The following ZNF600 variants were observed in gnomAD, a reference collection of about 807,000 sequenced individuals.
ZNF600 encodes zinc finger protein KR-ZNF1.
A neutral mutation model predicts 7.3 loss-of-function variants in ZNF600; 4 were observed. That is an observed-to-expected ratio of 0.55 (90% CI 0.27 to 1.25). The LOEUF (loss-of-function observed/expected upper bound fraction) is 1.25. Among genes scored for constraint, ZNF600 ranks in the 50% most tolerant of loss-of-function variants. The pLI is 0.12. For missense variants in ZNF600, 911 were observed against 922.1 expected (o/e 0.99, Z 0.16); for synonymous variants, 290 against 308.9 (o/e 0.94, Z 0.64).
rs772931731 is a variant in ZNF600, at chr19:52,767,340, T to C, written c.623A>G (p.Tyr208Cys). 2.5e-6 allele frequency: 4 copies of C among 1,613,998 alleles called. No homozygotes were observed. The East Asian group carries it at 8.9e-5, about 36-fold the overall frequency. ...TGAAGAATTCGGGGAATTATTCCCA[T>C]AGTTATTAGAAATATGGATTTGGGG... The change falls in exon 4 of 4, where the codon TAT becomes TGT. Residue 208 changes from tyrosine (Y) to cysteine (C), a missense_variant. Coordinates refer to ENST00000648973, the Ensembl canonical transcript of ZNF600.
At chr19:52,794,687 C>T in the ZNF600 span, among the ~76,000 whole-genome samples, 2 of 152,176 alleles carry the variant, frequency 1.3e-5, no homozygotes, top group South Asian at 4.2e-4. Flanking sequence ...AACCGCGTCT[C>T]TACCAAAAGT....
At chr19:52,811,675 G>T in the ZNF600 span, among the ~76,000 whole-genome samples, 2 of 148,610 alleles carry the variant, frequency 1.3e-5, no homozygotes, top group Admixed American at 1.3e-4. Flanking sequence ...CGTCTGAGAA[G>T]TGAGGAGCCC....
the ZNF600 span, among the ~76,000 whole-genome samples, chr19:52,811,720 G>C: frequency 3.3e-5 from 5 of 149,934 alleles, no homozygotes; most frequent in African/African-American, 1.3e-4. Context: ...GGGAAGTGAG[G>C]AGCGTCTCCG....
the ZNF600 span, chr19:52,805,193 C>G: frequency 6.6e-6 from 1 of 152,004 alleles, no homozygotes; most frequent in African/African-American, 2.4e-5. Flanking sequence ...TTGCTTGAAC[C>G]TGGGAAGTGG....
chr19:52,830,145 T>C, the ZNF600 span, among the ~76,000 whole-genome samples: 3 of 152,032 alleles, frequency 2.0e-5, no homozygotes, highest in Non-Finnish European at 4.4e-5. Context: ...TGTTGGTGCA[T>C]GCCTGTAATC....
At chr19:52,779,220 A>C (rs1238070913) in intron 1 of ZNF600, among the ~76,000 whole-genome samples, 1 of 152,076 alleles carries the variant, frequency 6.6e-6, no homozygotes, top group Non-Finnish European at 1.5e-5. Context: ...ACAGCCCCTC[A>C]CCTCTCTGTG....
chr19:52,830,649 T>A, the ZNF600 span, among the ~76,000 whole-genome samples: 57 of 151,860 alleles, frequency 3.8e-4, no homozygotes, highest in East Asian at 4.9e-3. Flanking sequence ...AGCAGCCTCC[T>A]ATAATTTTGT....
the ZNF600 span, chr19:52,798,983 T>C: frequency 2.7e-6 from 3 of 1,097,892 alleles, no homozygotes; most frequent in African/African-American, 1.6e-5. Context: ...CAGGTGTGAA[T>C]CACTCCCAAA....
intron 3 of ZNF600, among the ~76,000 whole-genome samples, chr19:52,770,826 ATTTT>A (rs2062624608): frequency 6.6e-6 from 1 of 151,830 alleles, no homozygotes; most frequent in African/African-American, 2.4e-5. Context: ...TTTTAATTGT[ATTTT>A]TTCTTTCTTT....
At chr19:52,776,624 C>A (rs963464543) in intron 2 of ZNF600, among the ~76,000 whole-genome samples, 19 of 152,070 alleles carry the variant, frequency 1.2e-4, no homozygotes, top group African/African-American at 4.3e-4. Flanking sequence ...CTTAGCCAGG[C>A]TGGTCTCGAA....
chr19:52,821,735 A>T, the ZNF600 span: 1 of 152,082 alleles, frequency 6.6e-6, no homozygotes, highest in African/African-American at 2.4e-5. Flanking sequence ...AAGCGGCGAG[A>T]CCTTGCCCTT....
chr19:52,825,690 C>CA, the ZNF600 span, among the ~76,000 whole-genome samples: 12 of 151,936 alleles, frequency 7.9e-5, no homozygotes, highest in South Asian at 2.3e-3. Flanking sequence ...AAAACAACAA[C>CA]AAAAAAATCA....
At chr19:52,776,142 G>A (rs557054801) in intron 2 of ZNF600, among the ~76,000 whole-genome samples, 19 of 146,786 alleles carry the variant, frequency 1.3e-4, no homozygotes, top group African/African-American at 4.6e-4. Flanking sequence ...ATGAAGAAAG[G>A]TCTGTACTTG....
chr19:52,774,458 CAAAAA>C (rs35098902), intron 3 of ZNF600, 112 bp downstream of exon 5: 1 of 757,542 alleles, frequency 1.3e-6, no homozygotes, highest in Admixed American at 8.0e-5. Context: ...AAAAAACAAC[CAAAAA>C]AAAAAAAAAA....
chr19:52,774,986 T>C (rs2062661850), intron 2 of ZNF600, among the ~76,000 whole-genome samples: 1 of 152,156 alleles, frequency 6.6e-6, no homozygotes, highest in Non-Finnish European at 1.5e-5. Flanking sequence ...ACACCTGTAA[T>C]CCTAACACTT....
At chr19:52,782,914 C>T (rs377299535) in intron 1 of ZNF600, among the ~76,000 whole-genome samples, 1 of 150,078 alleles carries the variant, frequency 6.7e-6, no homozygotes, top group Non-Finnish European at 1.5e-5. Context: ...ACACAAAAAA[C>T]CAACTAAACT....
chr19:52,804,730 C>A, the ZNF600 span, among the ~76,000 whole-genome samples: 1 of 152,078 alleles, frequency 6.6e-6, no homozygotes, highest in Non-Finnish European at 1.5e-5. Flanking sequence ...GTCTCAAACT[C>A]CTGACCTCAA....
chr19:52,784,108 G>A (rs1439529771), intron 1 of ZNF600, among the ~76,000 whole-genome samples: 1 of 152,118 alleles, frequency 6.6e-6, no homozygotes, highest in African/African-American at 2.4e-5. Flanking sequence ...TAGTAGGTAG[G>A]CCCGGCATGG....
At chr19:52,768,732 G>C (rs1178022468) in intron 3 of ZNF600, among the ~76,000 whole-genome samples, 1 of 151,956 alleles carries the variant, frequency 6.6e-6, no homozygotes, top group Non-Finnish European at 1.5e-5. Flanking sequence ...TTTTAGTAGA[G>C]ATGTGTGGGC....
Sources: allele counts gnomAD v4.1 joint callset (sites outside exome capture counted in the v4.1 genomes callset), GRCh38; gene constraint gnomAD v4.1.1; transcripts MANE v1.5; gene names NCBI Gene and HGNC (gene_info 2026-07-23, HGNC 2026-07-21).